NRXN3: variants seen among roughly 807,000 people sequenced by gnomAD.
The protein encoded by NRXN3 is neurexin III.
A neutral mutation model predicts 137.6 loss-of-function variants in NRXN3; 32 were observed. That is an observed-to-expected ratio of 0.23 (90% CI 0.18 to 0.31). NRXN3 has a LOEUF of 0.31. Among genes scored for constraint, NRXN3 ranks in the 10% least tolerant of loss-of-function variants. The probability of loss-of-function intolerance (pLI) is 1.00; values close to 1 mark genes in which losing one functional copy is unlikely to be tolerated. For missense variants in NRXN3, 1,574 were observed against 2,062.5 expected (o/e 0.76, Z 4.59); for synonymous variants, 798 against 784.5 (o/e 1.02, Z -0.29).
intron 15 of NRXN3, among the ~76,000 whole-genome samples, chr14:79,346,226 C>T (rs2092874012): frequency 6.6e-6 from 1 of 152,130 alleles, no homozygotes; most frequent in South Asian, 2.1e-4. Flanking sequence ...CCCAGGTCAG[C>T]CTGACCAACA....
chr14:78,528,708 G>C (rs2096416195), intron 4 of NRXN3, among the ~76,000 whole-genome samples: 1 of 152,140 alleles, frequency 6.6e-6, no homozygotes, highest in African/African-American at 2.4e-5. Context: ...ATCACTTTTA[G>C]AGTCTTTTTT....
intron 14 of NRXN3, chr14:78,973,019 G>A (rs1344061999): frequency 6.6e-6 from 1 of 152,168 alleles, no homozygotes; most frequent in African/African-American, 2.4e-5. Context: ...TTGGACAGCA[G>A]CAATTGTGGG....
intron 18 of NRXN3, among the ~76,000 whole-genome samples, chr14:79,693,843 T>C (rs1057012832): frequency 5.3e-5 from 8 of 151,914 alleles, no homozygotes; most frequent in Non-Finnish European, 1.0e-4. Flanking sequence ...TATGTATGAT[T>C]ATATATGCAT....
At position 78,980,269 on chromosome 14, in the gene NRXN3, T is replaced by C. The variant is rs184087948; in HGVS notation, c.3143-7753T>C. The stretch of plus-strand genomic sequence containing the variant: ...AAACTTGATATGGCCTCCAGGCCTG[T>C]CACTTCTCCTTTTCTCCCTTACCCT... On this transcript the variant is annotated intron_variant, in intron 14 of 20. Coordinates refer to ENST00000335750, the MANE Select transcript of NRXN3 (RefSeq NM_001330195.2). Among the ~76,000 whole-genome samples the C allele has an allele frequency of 3.9e-5, 6 of 152,356 alleles. No homozygotes were observed. The South Asian group carries it at 1.2e-3, about 32-fold the overall frequency.
intron 4 of NRXN3, among the ~76,000 whole-genome samples, chr14:78,643,716 C>G (rs1397014760): frequency 6.6e-6 from 1 of 152,146 alleles, no homozygotes; most frequent in Non-Finnish European, 1.5e-5. Context: ...TGGCTTTGTC[C>G]TATATCATGA....
chr14:78,360,203 C>CT (rs1194223753), intron 4 of NRXN3, among the ~76,000 whole-genome samples: 2 of 152,138 alleles, frequency 1.3e-5, no homozygotes, highest in Non-Finnish European at 2.9e-5. Flanking sequence ...GGGAACTTGA[C>CT]AGTGTCAAAT....
At chr14:79,014,676 C>T (rs1471479884) in intron 15 of NRXN3, among the ~76,000 whole-genome samples, 1 of 152,146 alleles carries the variant, frequency 6.6e-6, no homozygotes, top group Non-Finnish European at 1.5e-5. Flanking sequence ...TGAGAAACTG[C>T]CACAACCATT....
intron 3 of NRXN3, among the ~76,000 whole-genome samples, chr14:78,293,249 G>A (rs7144894): frequency 0.16 from 24,894 of 151,892 alleles, 2,134 homozygotes; most frequent in Middle Eastern, 0.26. Flanking sequence ...TTCCTTTGAG[G>A]TGTCATTCAC....
rs148063706 is a variant in NRXN3, at chr14:78,929,377, G to T, written c.2276-27865G>T. The stretch of plus-strand genomic sequence containing the variant: ...CCTCCCACCCTCTACCCTCCAAAAG[G>T]CCCCAGTGTGTGTTGTTCCCCTCTA... On this transcript the variant is annotated intron_variant, in intron 10 of 20. Coordinates refer to ENST00000335750, the MANE Select transcript of NRXN3 (RefSeq NM_001330195.2). Among the ~76,000 whole-genome samples, 4 of 152,038 alleles carry T rather than the reference G, an allele frequency of 2.6e-5. No homozygotes were observed. In the East Asian group the frequency reaches 5.8e-4, roughly 22 times the overall value.
At chr14:78,770,277 A>G (rs1412252173) in intron 8 of NRXN3, among the ~76,000 whole-genome samples, 1 of 152,230 alleles carries the variant, frequency 6.6e-6, no homozygotes, top group Non-Finnish European at 1.5e-5. Context: ...AGCTGGTTCC[A>G]GAGCACACAT....
chr14:78,204,309 T>C (rs1190828501), intron 1 of NRXN3, among the ~76,000 whole-genome samples: 1 of 152,158 alleles, frequency 6.6e-6, no homozygotes, highest in East Asian at 1.9e-4. Context: ...CGAGCATGTA[T>C]GAATGGGTTC....
chr14:79,435,645 GTTTGT>G (rs2095835793), intron 15 of NRXN3, among the ~76,000 whole-genome samples: 1 of 145,796 alleles, frequency 6.9e-6, no homozygotes, highest in South Asian at 2.2e-4. Context: ...TTCTTTGTTT[GTTTGT>G]TTTGAGACAG....
chr14:78,726,810 C>T (rs1285034103), intron 8 of NRXN3, among the ~76,000 whole-genome samples: 3 of 152,016 alleles, frequency 2.0e-5, no homozygotes, highest in Admixed American at 6.6e-5. Context: ...TGAGTCATCA[C>T]ACCTGGCCTC....
chr14:79,768,975 C>T (rs766554540), intron 19 of NRXN3, among the ~76,000 whole-genome samples: 7,454 of 150,780 alleles, frequency 0.049, 197 homozygotes, highest in Middle Eastern at 0.068. Context: ...ACGTGAAGAA[C>T]GCAGAAGCCT....
chr14:79,275,318 G>GA (rs141471525), intron 15 of NRXN3, among the ~76,000 whole-genome samples: 4,087 of 149,740 alleles, frequency 0.027, 117 homozygotes, highest in South Asian at 0.08. Context: ...TTCATATTTG[G>GA]AAAAAAAAAG....
intron 15 of NRXN3, among the ~76,000 whole-genome samples, chr14:79,060,317 C>T (rs952974941): frequency 6.6e-6 from 1 of 152,176 alleles, no homozygotes. Flanking sequence ...AGCTTCTTTT[C>T]CTAGTGGACT....
At position 78,443,820 on chromosome 14, in the gene NRXN3, C is replaced by T. The variant is rs139616255; in HGVS notation, c.757+145960C>T. On this transcript the variant is annotated intron_variant, in intron 4 of 20. Transcript: ENST00000335750. Reference sequence around the variant, plus strand: ...AGCTTAGTCATTGTTTATTTTCTCCCTCATACCCATACATGATTCATTCTA... The same window carrying T: ...AGCTTAGTCATTGTTTATTTTCTCCTTCATACCCATACATGATTCATTCTA... 6.6e-5 allele frequency among the ~76,000 whole-genome samples: 10 copies of T among 152,292 alleles called. No homozygotes were observed. In the East Asian group the frequency reaches 1.9e-3, roughly 29 times the overall value.
At chr14:79,730,454 T>C (rs911964992) in intron 19 of NRXN3, among the ~76,000 whole-genome samples, 13 of 152,186 alleles carry the variant, frequency 8.5e-5, no homozygotes, top group African/African-American at 3.1e-4. Context: ...ACGAGACACT[T>C]GGGAATGAAC....
intron 1 of NRXN3, among the ~76,000 whole-genome samples, chr14:78,214,208 C>T (rs1454686798): frequency 6.6e-6 from 1 of 152,228 alleles, no homozygotes; most frequent in Admixed American, 6.5e-5. Flanking sequence ...GCCTTTCAGT[C>T]TCTTGCACTT....
Sources: allele counts gnomAD v4.1 joint callset (sites outside exome capture counted in the v4.1 genomes callset), GRCh38; gene constraint gnomAD v4.1.1; transcripts MANE v1.5; gene names NCBI Gene and HGNC (gene_info 2026-07-23, HGNC 2026-07-21).